Variants in NXPH1 observed in about 807,000 individuals in gnomAD.
The protein encoded by NXPH1 is neurexophilin-1.
Under a neutral mutation model 23.7 loss-of-function variants are expected in NXPH1, and 5 were observed. The ratio of observed to expected loss-of-function variants is 0.21; its 90% CI spans 0.11 to 0.44. NXPH1 has a LOEUF of 0.44. NXPH1 is among the 20% of genes least tolerant of loss of function. The pLI, the probability that NXPH1 is intolerant of heterozygous loss-of-function variation, is 0.99. For synonymous variants in NXPH1, 144 were observed against 122.2 expected, an observed-to-expected ratio of 1.18 and a Z score of -1.18; for missense variants, 324 against 321.6, an observed-to-expected ratio of 1.01 and a Z score of -0.06.
At chr7:8,637,480 T>C (rs865854236) in intron 2 of NXPH1, among the ~76,000 whole-genome samples, 2 of 152,114 alleles carry the variant, frequency 1.3e-5, no homozygotes, top group Non-Finnish European at 1.5e-5. Flanking sequence ...TCCGTCAGCC[T>C]CCCAAAGCGC....
At chr7:8,454,247 A>G (rs1411677369) in intron 2 of NXPH1, among the ~76,000 whole-genome samples, 1 of 152,188 alleles carries the variant, frequency 6.6e-6, no homozygotes, top group Non-Finnish European at 1.5e-5. Flanking sequence ...AGTTTAAAAA[A>G]GGAATTTGTC....
intron 2 of NXPH1, among the ~76,000 whole-genome samples, chr7:8,561,260 ACTGCTGAGCTAG>A (rs1351843682): frequency 1.3e-5 from 2 of 151,164 alleles, no homozygotes; most frequent in Non-Finnish European, 3.0e-5. Context: ...ACCGCTCACA[ACTGCTGAGCTAG>A]CTGTATAGCA....
chr7:8,627,632 C>G (rs1820022298), intron 2 of NXPH1, among the ~76,000 whole-genome samples: 1 of 152,074 alleles, frequency 6.6e-6, no homozygotes, highest in South Asian at 2.1e-4. Context: ...AGCAGGAGAA[C>G]CTACCATACC....
chr7:8,715,855 G>A (rs2115201786), intron 2 of NXPH1, among the ~76,000 whole-genome samples: 1 of 152,184 alleles, frequency 6.6e-6, no homozygotes, highest in East Asian at 1.9e-4. Flanking sequence ...ATTATAAGAA[G>A]TTGAAATCCT....
intron 2 of NXPH1, among the ~76,000 whole-genome samples, chr7:8,582,171 C>T (rs1472751837): frequency 2.6e-5 from 4 of 152,202 alleles, no homozygotes; most frequent in Non-Finnish European, 4.4e-5. Context: ...ATGAGGGGAA[C>T]CCAGTGGCAC....
At chr7:8,667,617 T>C (rs929483252) in intron 2 of NXPH1, among the ~76,000 whole-genome samples, 1 of 152,152 alleles carries the variant, frequency 6.6e-6, no homozygotes, top group Non-Finnish European at 1.5e-5. Context: ...TTCAGGATCT[T>C]CTATTTGCCT....
At chr7:8,438,998 G>A (rs1816246096) in intron 2 of NXPH1, among the ~76,000 whole-genome samples, 2 of 152,152 alleles carry the variant, frequency 1.3e-5, no homozygotes, top group South Asian at 2.1e-4. Flanking sequence ...ATGCATGGGG[G>A]TGGGAAACTA....
At chr7:8,443,982 C>T (rs750281043) in intron 2 of NXPH1, among the ~76,000 whole-genome samples, 35 of 152,212 alleles carry the variant, frequency 2.3e-4, no homozygotes, top group Non-Finnish European at 4.7e-4. Flanking sequence ...CGCCCTAGAG[C>T]AGACACTGCG....
intron 2 of NXPH1, among the ~76,000 whole-genome samples, chr7:8,589,714 G>T (rs1819052428): frequency 6.6e-6 from 1 of 152,052 alleles, no homozygotes; most frequent in Non-Finnish European, 1.5e-5. Context: ...AGTTGGGGCT[G>T]AACGGAAGCT....
At chr7:8,623,320 C>T (rs1029962872) in intron 2 of NXPH1, among the ~76,000 whole-genome samples, 5 of 151,988 alleles carry the variant, frequency 3.3e-5, no homozygotes, top group African/African-American at 1.2e-4. Flanking sequence ...ATAACTAACA[C>T]AAACTACAAA....
At chr7:8,614,150 G>A (rs1005981032) in intron 2 of NXPH1, among the ~76,000 whole-genome samples, 6 of 151,774 alleles carry the variant, frequency 4.0e-5, no homozygotes, top group African/African-American at 1.5e-4. Flanking sequence ...CCGTGGATGT[G>A]CCATAATTTA....
intron 2 of NXPH1, among the ~76,000 whole-genome samples, chr7:8,673,842 T>C (rs758300964): frequency 6.6e-6 from 1 of 151,642 alleles, no homozygotes; most frequent in African/African-American, 2.4e-5. Context: ...CTTCCCCAAA[T>C]TATTTTATGG....
At chr7:8,514,529 C>G (rs1817659938) in intron 2 of NXPH1, among the ~76,000 whole-genome samples, 1 of 152,100 alleles carries the variant, frequency 6.6e-6, no homozygotes, top group Admixed American at 6.6e-5. Flanking sequence ...AGAGTCCATT[C>G]CCTGATGCTA....
chr7:8,546,606 A>G (rs1272795346), intron 2 of NXPH1, among the ~76,000 whole-genome samples: 1 of 151,330 alleles, frequency 6.6e-6, no homozygotes, highest in Non-Finnish European at 1.5e-5. Context: ...ATACTCATTA[A>G]AAGTTCTCAA....
At chr7:8,563,365 C>T (rs1022740195) in intron 2 of NXPH1, among the ~76,000 whole-genome samples, 1 of 151,742 alleles carries the variant, frequency 6.6e-6, no homozygotes, top group African/African-American at 2.4e-5. Context: ...ATTCTTAGAG[C>T]TCTTTGAGAA....
intron 2 of NXPH1, among the ~76,000 whole-genome samples, chr7:8,524,233 C>A: frequency 9.7e-6 from 1 of 103,216 alleles, no homozygotes; most frequent in Non-Finnish European, 1.8e-5. Flanking sequence ...CAGAGTGAGA[C>A]TCTGTCTCAA....
intron 2 of NXPH1, among the ~76,000 whole-genome samples, chr7:8,481,141 A>G (rs1042548077): frequency 2.0e-5 from 3 of 152,208 alleles, no homozygotes; most frequent in African/African-American, 7.2e-5. Context: ...CTCCCTTTTC[A>G]GTCAATATCT....
intron 2 of NXPH1, among the ~76,000 whole-genome samples, chr7:8,470,424 T>C (rs771344968): frequency 1.2e-4 from 18 of 152,158 alleles, no homozygotes; most frequent in Non-Finnish European, 4.4e-5. Flanking sequence ...AAGGGAAACA[T>C]TTTGCTTTGT....
rs542982788 is a variant in NXPH1 at position 8,442,442 on chromosome 7, C to T, written c.54+6675C>T. ...TTCTGAAGCGAAGGATCCTAGCTGC[C>T]GCGGCTAAGGGCGCAGGGGGAGGCC... is the stretch of plus-strand genomic sequence containing the variant. On this transcript the variant is annotated intron_variant, in intron 2 of 2. Transcript: ENST00000405863. The surrounding 1 kb of genome is among the most constrained non-coding windows in gnomAD (Gnocchi z 4.6). Among the ~76,000 whole-genome samples, 1 of 152,204 alleles carries T rather than the reference C, an allele frequency of 6.6e-6. No homozygotes were observed. Among genetic ancestry groups the T allele is most frequent in the Non-Finnish European group, 1.5e-5 (1 of 68,032 alleles).
Sources: gnomAD v4.1 joint callset for allele counts (sites outside exome capture counted in the v4.1 genomes callset) on GRCh38, gnomAD v4.1.1 for gene constraint, Gnocchi (gnomAD v3.1) non-coding constraint, MANE v1.5 for transcripts, NCBI Gene and HGNC (gene_info 2026-07-23, HGNC 2026-07-21) for gene names.